The following CCK variants were observed in gnomAD, a reference collection of about 807,000 sequenced individuals.
CCK encodes cholecystokinin triacontatriapeptide.
CCK carries 11 observed loss-of-function variants against 10.1 expected under a neutral mutation model. That is an observed-to-expected ratio of 1.09 (90% CI 0.69 to 1.81). CCK has a LOEUF of 1.81. Ranked by LOEUF, CCK falls within the 40% of genes most tolerant of loss-of-function variation. CCK has a pLI of 0.00. For missense variants in CCK, 137 were observed against 159.9 expected (o/e 0.86, Z 0.77); for synonymous variants, 83 against 71.9 (o/e 1.15, Z -0.78).
At chr3:42,260,935 C>T (rs902705718) in intron 4 of CCK, among the ~76,000 whole-genome samples, 10 of 152,192 alleles carry the variant, frequency 6.6e-5, no homozygotes, top group Non-Finnish European at 1.3e-4. Flanking sequence ...CCTGCTGTTG[C>T]GTAGATATGC....
intron 4 of CCK, among the ~76,000 whole-genome samples, chr3:42,261,242 A>G (rs1711206104): frequency 6.6e-6 from 1 of 152,210 alleles, no homozygotes; most frequent in Middle Eastern, 3.2e-3. Flanking sequence ...TTTAAGAATA[A>G]TATATACTAT....
At chr3:42,260,852 T>G (rs1428957598) in intron 4 of CCK, among the ~76,000 whole-genome samples, 3 of 152,238 alleles carry the variant, frequency 2.0e-5, no homozygotes, top group African/African-American at 7.2e-5. Flanking sequence ...AAATGTGGAA[T>G]AGGCAGTACA....
At chr3:42,258,284 T>C in intron 4 of CCK, 53 bp from the exon 5 acceptor site, 1 of 1,574,232 alleles carries the variant, frequency 6.4e-7, no homozygotes, top group Non-Finnish European at 8.7e-7. Flanking sequence ...AAAGCATCTC[T>C]AGTTCAATTT....
rs547720517 is a variant in CCK, at chr3:42,258,063, G to T, written c.*35C>A. The T allele has an allele frequency of 5.2e-5, 82 of 1,591,046 alleles. No individual in the cohort carries two copies. In the South Asian group the frequency reaches 9.0e-4, roughly 17 times the overall value. On this transcript the variant is annotated 3_prime_UTR_variant, in exon 5 of 5. Coordinates refer to ENST00000396169, the MANE Select transcript of CCK (RefSeq NM_000729.6). ...TATTCTGCCTCCTCTGGGTTGGGAG[G>T]TTGCTTCCCGTTGGGCTGATGGCGG...
At chr3:42,261,608 C>CTTTTTTTT (rs3073696) in intron 4 of CCK, among the ~76,000 whole-genome samples, 6 of 145,620 alleles carry the variant, frequency 4.1e-5, no homozygotes, top group Non-Finnish European at 4.5e-5. Context: ...TGGTAATGAG[C>CTTTTTTTT]TTTTTTTTTT....
In CCK at chr3:42,258,229, G is replaced by A; in HGVS notation, c.217C>T (p.Pro73Ser). 6.2e-7 allele frequency: 1 copy of A among 1,613,092 alleles called. No individual in the cohort carries two copies. ...ARYIQQARKA[P>S]SGRMSIVKNL... ...TTAACGATGGACATTCGTCCAGAAG[G>A]AGCTACAAGGAGCAGGGAGGAAGGA... is the stretch of plus-strand genomic sequence containing the variant. The change falls in exon 5 of 5, where the codon CCT becomes TCT. Residue 73 changes from proline to serine, a missense_variant and splice_region_variant. By Grantham distance (74) the Pro-to-Ser change is moderately conservative. Transcript: ENST00000396169.
chr3:42,264,176 T>C (rs1052028124), intron 3 of CCK, among the ~76,000 whole-genome samples: 11 of 152,086 alleles, frequency 7.2e-5, no homozygotes, highest in Non-Finnish European at 1.5e-5. Flanking sequence ...TCTCAAAGTG[T>C]ACGTGGGAAA....
intron 4 of CCK, chr3:42,263,200 A>C: frequency 2.9e-6 from 2 of 685,594 alleles, no homozygotes; most frequent in Non-Finnish European, 5.1e-6. Context: ...ACTGCTAAAA[A>C]TTAGTTCAAA....
Position 42,263,779 on chromosome 3 carries a change from C to G in CCK, c.-2-147G>C, listed in dbSNP as rs896511695. Reference sequence around the variant, plus strand: ...GCCGCAAGCACGAGGGCTCGCCAAGCGCTGACCCCAGCCGAGTGCCATGGC... The same window carrying G: ...GCCGCAAGCACGAGGGCTCGCCAAGGGCTGACCCCAGCCGAGTGCCATGGC... On this transcript the variant is annotated intron_variant, in intron 3 of 4. Transcript: ENST00000396169. The G allele has an allele frequency of 7.3e-6, 10 of 1,361,734 alleles. No homozygotes were observed. In the African/African-American group the frequency reaches 1.3e-4, roughly 18 times the overall value. 84.4% of individuals were successfully genotyped at this position (1,361,734 alleles called of 1,614,324 possible). A position where few individuals can be genotyped will look rare whatever the true frequency, so the allele number is the denominator to read the frequency against.
intron 4 of CCK, among the ~76,000 whole-genome samples, 157 bp from the exon 5 acceptor site, chr3:42,258,388 A>G (rs146807407): frequency 6.6e-6 from 1 of 152,364 alleles, no homozygotes; most frequent in East Asian, 1.9e-4. Flanking sequence ...CTGATGGACC[A>G]AAATCTGAGA....
intron 4 of CCK, among the ~76,000 whole-genome samples, chr3:42,261,649 C>T (rs1711215688): frequency 6.7e-6 from 1 of 148,452 alleles, no homozygotes; most frequent in Non-Finnish European, 1.5e-5. Context: ...AATTTTGGAA[C>T]CAAGACTCAA....
chr3:42,258,062 G>C lies in CCK; in HGVS notation c.*36C>G. 2 of 1,590,896 alleles carry C rather than the reference G, an allele frequency of 1.3e-6. No homozygotes were observed. Among genetic ancestry groups the C allele is most frequent in the South Asian group, 1.2e-5 (1 of 86,802 alleles). On this transcript the variant is annotated 3_prime_UTR_variant, in exon 5 of 5. Transcript: ENST00000396169. The stretch of plus-strand genomic sequence containing the variant: ...TTATTCTGCCTCCTCTGGGTTGGGA[G>C]GTTGCTTCCCGTTGGGCTGATGGCG...
intron 4 of CCK, chr3:42,262,845 T>C (rs1282211511): frequency 1.2e-5 from 2 of 164,564 alleles, no homozygotes; most frequent in African/African-American, 4.8e-5. Flanking sequence ...ACTGTGACCA[T>C]CTCTGCAACA....
rs200306204 is a variant in CCK at position 42,258,193 on chromosome 3, T to C, written c.253A>G (p.Asn85Asp). 6.8e-6 allele frequency: 11 copies of C among 1,614,128 alleles called. No individual in the cohort carries two copies. In the East Asian group the frequency reaches 2.5e-4, roughly 36 times the overall value. ...CTTATCCTGTGGCTGGGGTCCAGGTTCTGCAGGTTCTTAACGATGGACATT... is the reference window on the plus strand; with the variant it reads ...CTTATCCTGTGGCTGGGGTCCAGGTCCTGCAGGTTCTTAACGATGGACATT... ...GRMSIVKNLQ[N>D]LDPSHRISDR... Residue 85 changes from asparagine to aspartate, a missense_variant, in exon 5 of 5, where the codon AAC (asparagine) becomes GAC (aspartate). Coordinates refer to ENST00000396169, the MANE Select transcript of CCK (RefSeq NM_000729.6).
chr3:42,258,355 A>G (rs762020416), intron 4 of CCK, 124 bp from the exon 5 acceptor site: 259 of 1,052,664 alleles, frequency 2.5e-4, no homozygotes, highest in Non-Finnish European at 3.3e-4. Context: ...TAAAGGTATC[A>G]AAGAGCTATC....
rs1263967508 is a variant in CCK at position 42,258,135 on chromosome 3, C to G, written c.311G>C (p.Gly104Ala). 1.9e-6 allele frequency: 3 copies of G among 1,614,082 alleles called. No individual in the cohort carries two copies. The highest frequency in any genetic ancestry group is 2.5e-6 in the Non-Finnish European group (3 of 1,180,016). Residue 104 changes from glycine to alanine, a missense_variant, in exon 5 of 5, where the codon GGC becomes GCC. Transcript: ENST00000396169. ...CTCATACTCCTCGGCACTGCGACGG[C>G]CAAAATCCATCCAGCCCATGTAGTC... is the stretch of plus-strand genomic sequence containing the variant. ...DRDYMGWMDF[G>A]RRSAEEYEYP...
chr3:42,264,487 G>T (rs1209363121), intron 3 of CCK, among the ~76,000 whole-genome samples: 4 of 152,086 alleles, frequency 2.6e-5, no homozygotes, highest in Non-Finnish European at 2.9e-5. Context: ...TGATGCTGGC[G>T]TATGAAAGGC....
intron 4 of CCK, among the ~76,000 whole-genome samples, chr3:42,259,427 A>G (rs1164645850): frequency 6.6e-6 from 1 of 152,230 alleles, no homozygotes; most frequent in Non-Finnish European, 1.5e-5. Context: ...ATATTCAGAA[A>G]GCTTTTGTCA....
chr3:42,263,573 T>C lies in CCK; in HGVS notation c.58A>G (p.Thr20Ala), dbSNP rs1239763261. The C allele has an allele frequency of 6.2e-6, 10 of 1,601,836 alleles. No individual in the cohort carries two copies. The highest frequency in any genetic ancestry group is 8.5e-6 in the Non-Finnish European group (10 of 1,175,006). Residue 20 changes from threonine (T) to alanine (A), a missense_variant, in exon 4 of 5, where the codon ACG (threonine) becomes GCG (alanine). Coordinates refer to ENST00000396169, the MANE Select transcript of CCK (RefSeq NM_000729.6). ...LMAVLAAGAL[T>A]QPVPPADPAG... The stretch of plus-strand genomic sequence containing the variant: ...GGATCTGCGGGAGGCACCGGCTGCG[T>C]CAGGGCGCCAGCCGCCAGTACCGCC...
Sources: allele counts gnomAD v4.1 joint callset (sites outside exome capture counted in the v4.1 genomes callset), GRCh38; gene constraint gnomAD v4.1.1; transcripts MANE v1.5; gene names NCBI Gene and HGNC (gene_info 2026-07-23, HGNC 2026-07-21).